Variants in PDE12 observed in about 807,000 individuals in gnomAD.
PDE12 encodes the protein phosphodiesterase 12.
PDE12 carries 26 observed loss-of-function variants against 45.4 expected under a neutral mutation model. The ratio of observed to expected loss-of-function variants is 0.57; its 90% CI spans 0.42 to 0.79. The LOEUF is 0.79. PDE12 is among the 30% of genes least tolerant of loss of function. The pLI, the probability that PDE12 is intolerant of heterozygous loss-of-function variation, is 0.00. For synonymous variants in PDE12, 283 were observed against 323.9 expected (o/e 0.87, Z 1.36); for missense variants, 668 against 790.0 (o/e 0.85, Z 1.85).
chr3:57,629,025 T>C, the PDE12 span: 2 of 588,828 alleles, frequency 3.4e-6, no homozygotes, highest in Non-Finnish European at 5.7e-6. Flanking sequence ...AGCATTATAG[T>C]GCAAGAATAA....
rs989564535 is a variant in PDE12 at position 57,562,098 on chromosome 3, A to C, written c.*2094A>C. 2 of 982,320 alleles carry C rather than the reference A, an allele frequency of 2.0e-6. No homozygotes were observed. The highest frequency in any genetic ancestry group is 2.4e-6 in the Non-Finnish European group (2 of 827,240). The allele number at this position is 982,320 out of a possible 1,614,324, so 60.9% of individuals were successfully genotyped here. A position where few individuals can be genotyped will look rare whatever the true frequency, so the allele number is the denominator to read the frequency against. On this transcript the variant is annotated 3_prime_UTR_variant, in exon 3 of 3. Coordinates refer to ENST00000311180, the MANE Select transcript of PDE12 (RefSeq NM_177966.7). Reference sequence around the variant, plus strand: ...ATATGTTTTTGGGCTGTTTTCAAAGAAAGATGTTGATAGAACCCTTAGAGT... The same window carrying C: ...ATATGTTTTTGGGCTGTTTTCAAAGCAAGATGTTGATAGAACCCTTAGAGT...
At chr3:57,576,385 T>C in the PDE12 span, among the ~76,000 whole-genome samples, 1 of 152,068 alleles carries the variant, frequency 6.6e-6, no homozygotes, top group African/African-American at 2.4e-5. Flanking sequence ...TTGAGGGTGA[T>C]GAAAATTTTC....
At chr3:57,638,709 T>C in the PDE12 span, among the ~76,000 whole-genome samples, 7 of 151,406 alleles carry the variant, frequency 4.6e-5, no homozygotes, top group Non-Finnish European at 8.8e-5. Context: ...CAATAAACAA[T>C]GGAAAGATAC....
chr3:57,627,939 C>G, the PDE12 span: 3 of 277,590 alleles, frequency 1.1e-5, no homozygotes, highest in African/African-American at 2.2e-5. Context: ...TGATGGCCCA[C>G]AAGTCTCTCA....
At chr3:57,617,275 C>A in the PDE12 span, among the ~76,000 whole-genome samples, 1 of 150,700 alleles carries the variant, frequency 6.6e-6, no homozygotes, top group Non-Finnish European at 1.5e-5. Flanking sequence ...TGTAGTGACA[C>A]AAGCCTGTAG....
chr3:57,587,319 CAAAAAAA>C, the PDE12 span, among the ~76,000 whole-genome samples: 1,696 of 45,412 alleles, frequency 0.037, 26 homozygotes, highest in African/African-American at 0.11. Flanking sequence ...AACTCAGTCT[CAAAAAAA>C]AAAAAAAAAA....
At chr3:57,578,158 C>G in the PDE12 span, among the ~76,000 whole-genome samples, 1 of 152,224 alleles carries the variant, frequency 6.6e-6, no homozygotes, top group South Asian at 2.1e-4. Context: ...AGTGTGTACA[C>G]TACAGTTTTT....
chr3:57,575,715 T>A, the PDE12 span: 2 of 1,561,782 alleles, frequency 1.3e-6, no homozygotes, highest in South Asian at 2.4e-5. Flanking sequence ...CCAACCGGAA[T>A]CCAATTTTTG....
At chr3:57,634,644 T>C in the PDE12 span, 1 of 1,490,972 alleles carries the variant, frequency 6.7e-7, no homozygotes, top group Non-Finnish European at 9.0e-7. Context: ...GAAAAGAAGG[T>C]AAACAAAAAA....
At chr3:57,603,613 G>A in the PDE12 span, among the ~76,000 whole-genome samples, 1 of 150,202 alleles carries the variant, frequency 6.7e-6, no homozygotes, top group Non-Finnish European at 1.5e-5. Context: ...CACCATGGCC[G>A]GCCAGAAATT....
At chr3:57,654,890 G>A in the PDE12 span, 1,994 of 709,968 alleles carry the variant, frequency 2.8e-3, 22 homozygotes, top group African/African-American at 0.036. Context: ...ACTAATAAAC[G>A]TGAAATGTAA....
chr3:57,587,995 A>G, the PDE12 span, among the ~76,000 whole-genome samples: 1 of 152,226 alleles, frequency 6.6e-6, no homozygotes. Flanking sequence ...TCTTTACTCA[A>G]AAACATATTG....
the PDE12 span, among the ~76,000 whole-genome samples, chr3:57,650,776 C>T: frequency 7.4e-6 from 1 of 134,976 alleles, no homozygotes; most frequent in South Asian, 2.6e-4. Context: ...TGTAGTATAT[C>T]CACATGGAAT....
chr3:57,609,153 T>C, the PDE12 span, among the ~76,000 whole-genome samples: 1 of 152,038 alleles, frequency 6.6e-6, no homozygotes, highest in Non-Finnish European at 1.5e-5. Flanking sequence ...CATAGCAAAA[T>C]GAAGGCAGAA....
the PDE12 span, chr3:57,645,768 G>A: frequency 6.3e-7 from 1 of 1,592,478 alleles, no homozygotes; most frequent in Non-Finnish European, 8.6e-7. Flanking sequence ...TGTGGAGCAG[G>A]AAGAACATGT....
chr3:57,582,285 C>A, the PDE12 span, among the ~76,000 whole-genome samples: 1 of 152,040 alleles, frequency 6.6e-6, no homozygotes, highest in Admixed American at 6.6e-5. Flanking sequence ...CTTTGTCACC[C>A]ATGCTGGAGT....
rs7637016 is a variant in PDE12 at position 57,565,818 on chromosome 3, A to T, written c.*5814A>T. ...CTCTGTCTCAAAAATAAAATAAAATAAAATTTTAAAAAAAGGATTTATTGC... is the reference window on the plus strand; with the variant it reads ...CTCTGTCTCAAAAATAAAATAAAATTAAATTTTAAAAAAAGGATTTATTGC... On this transcript the variant is annotated 3_prime_UTR_variant, in exon 3 of 3. Coordinates refer to ENST00000311180, the MANE Select transcript of PDE12 (RefSeq NM_177966.7). 0.84 allele frequency: 127,386 copies of T among 152,126 alleles called. 53,999 individuals are homozygous for T. The highest frequency in any genetic ancestry group is 0.95 in the African/African-American group (39,497 of 41,532). The allele number at this position is 152,126 out of a possible 1,614,324, so 9.4% of individuals were successfully genotyped here.
chr3:57,587,747 G>C, the PDE12 span, among the ~76,000 whole-genome samples: 1 of 152,012 alleles, frequency 6.6e-6, no homozygotes, highest in Non-Finnish European at 1.5e-5. Flanking sequence ...GGTCACCCCA[G>C]AATTCAAGGG....
chr3:57,624,351 T>C, the PDE12 span, among the ~76,000 whole-genome samples: 1 of 151,882 alleles, frequency 6.6e-6, no homozygotes. Context: ...AGGGTTTCAC[T>C]GTGTTAGCCA....
Sources: gnomAD v4.1 joint callset for allele counts (sites outside exome capture counted in the v4.1 genomes callset) on GRCh38, gnomAD v4.1.1 for gene constraint, MANE v1.5 for transcripts, NCBI Gene and HGNC (gene_info 2026-07-23, HGNC 2026-07-21) for gene names.